CDC42EP3: variants seen among roughly 807,000 people sequenced by gnomAD.
The protein encoded by CDC42EP3 is CDC42 effector protein (Rho GTPase binding) 3.
CDC42EP3 carries 4 observed loss-of-function variants against 15.5 expected under a neutral mutation model. That is an observed-to-expected ratio of 0.26 (90% CI 0.13 to 0.59). The LOEUF (loss-of-function observed/expected upper bound fraction) is 0.59, where lower values mean the gene tolerates loss of function less well. Ranked by LOEUF, CDC42EP3 falls within the 20% of genes least tolerant of loss-of-function variation. The pLI is 0.89. For synonymous variants in CDC42EP3, 145 were observed against 130.3 expected, an observed-to-expected ratio of 1.11 and a Z score of -0.77; for missense variants, 309 against 311.2, an observed-to-expected ratio of 0.99 and a Z score of 0.05.
chr2:37,642,724 G>A lies in CDC42EP3; in HGVS notation c.*3099C>T, dbSNP rs1310971726. On this transcript the variant is annotated 3_prime_UTR_variant, in exon 2 of 2. Transcript: ENST00000295324. ...TATCAAGTTAATTTATGGACTTATG[G>A]ATTTTTTCCATTCCAGGACTTCATT... 6.6e-6 allele frequency: 1 copy of A among 152,102 alleles called. No individual in the cohort carries two copies. Among genetic ancestry groups the A allele is most frequent in the Non-Finnish European group, 1.5e-5 (1 of 67,998 alleles). 9.4% of individuals were successfully genotyped at this position (152,102 alleles called of 1,614,324 possible).
chr2:37,658,108 T>C (rs1359959905), intron 1 of CDC42EP3, among the ~76,000 whole-genome samples: 1 of 152,118 alleles, frequency 6.6e-6, no homozygotes, highest in Non-Finnish European at 1.5e-5. Flanking sequence ...CATCCCCCAC[T>C]CCTCAACAAT....
Position 37,646,236 on chromosome 2 carries a change from G to C in CDC42EP3, c.352C>G (p.Leu118Val). ...SLPTIGGSQA[L>V]MLPLLSPVTF... ...ACTGGTGACAATAAGGGCAACATGA[G>C]AGCTTGGGATCCTCCAATGGTCGGG... The change falls in exon 2 of 2, where the codon CTC becomes GTC. Residue 118 changes from leucine (L) to valine (V), a missense_variant. Physicochemically the swap from Leu to Val is conservative, Grantham distance 32 (BLOSUM62 1). Coordinates refer to ENST00000295324, the MANE Select transcript of CDC42EP3 (RefSeq NM_006449.5). The C allele has an allele frequency of 2.5e-6, 4 of 1,614,196 alleles. No homozygotes were observed. Among genetic ancestry groups the C allele is most frequent in the East Asian group, 2.2e-5 (1 of 44,880 alleles).
intron 1 of CDC42EP3, among the ~76,000 whole-genome samples, chr2:37,653,617 T>G (rs917969902): frequency 1.3e-5 from 2 of 152,164 alleles, no homozygotes; most frequent in African/African-American, 4.8e-5. Context: ...GCTCCTAAGT[T>G]ACTTAGAGTT....
In CDC42EP3 at chr2:37,651,365, G is replaced by C. The variant is rs148153894; in HGVS notation, c.-235-4543C>G. 4.1e-3 allele frequency among the ~76,000 whole-genome samples: 620 copies of C among 152,224 alleles called. 4 individuals carry two copies. Among genetic ancestry groups the C allele is most frequent in the Non-Finnish European group, 6.8e-3 (461 of 68,006 alleles). ...CACAAATATATAAATGTGTATGCAG[G>C]GCTCAGATTAGGCTTTCCTGGAGAG... On this transcript the variant is annotated intron_variant, in intron 1 of 1. Coordinates refer to ENST00000295324, the MANE Select transcript of CDC42EP3 (RefSeq NM_006449.5).
At chr2:37,666,750 A>C (rs1666262701) in intron 1 of CDC42EP3, among the ~76,000 whole-genome samples, 1 of 152,210 alleles carries the variant, frequency 6.6e-6, no homozygotes, top group South Asian at 2.1e-4. Context: ...AGGTACTGTC[A>C]AATTCAGTCC....
rs544069972 is a variant in CDC42EP3, at chr2:37,646,075, C to T, written c.513G>A (p.Ser171=). Residue 171 remains serine (S), a synonymous_variant, in exon 2 of 2, where the codon TCG becomes TCA. Coordinates refer to ENST00000295324, the MANE Select transcript of CDC42EP3 (RefSeq NM_006449.5). ...ENGTVHQGDT[S]WGSSGSASQS... ...GAGATGCAGAACCGCTGGAGCCCCA[C>T]GAGGTGTCTCCCTGGTGGACTGTCC... is the stretch of plus-strand genomic sequence containing the variant. 34 of 1,614,208 alleles carry T rather than the reference C, an allele frequency of 2.1e-5. No individual in the cohort carries two copies. The highest frequency in any genetic ancestry group is 9.3e-5 in the African/African-American group (7 of 75,050).
Position 37,642,916 on chromosome 2 carries a change from G to C in CDC42EP3, c.*2907C>G, listed in dbSNP as rs1665314084. On this transcript the variant is annotated 3_prime_UTR_variant, in exon 2 of 2. Transcript: ENST00000295324. ...GAAATGTGATAATGACTTCATATTT[G>C]TGAAGAGCTAAGTATCCTGATATTT... is the stretch of plus-strand genomic sequence containing the variant. 1 of 152,204 alleles carries C rather than the reference G, an allele frequency of 6.6e-6. No homozygotes were observed. The allele number at this position is 152,204 out of a possible 1,614,324, so 9.4% of individuals were successfully genotyped here. A position where few individuals can be genotyped will look rare whatever the true frequency, so the allele number is the denominator to read the frequency against.
At chr2:37,650,354 G>C (rs1665629354) in intron 1 of CDC42EP3, among the ~76,000 whole-genome samples, 1 of 152,080 alleles carries the variant, frequency 6.6e-6, no homozygotes, top group African/African-American at 2.4e-5. Flanking sequence ...CAAAATCTTT[G>C]CCAATTACTT....
At chr2:37,655,186 T>A (rs1169617005) in intron 1 of CDC42EP3, among the ~76,000 whole-genome samples, 1 of 152,244 alleles carries the variant, frequency 6.6e-6, no homozygotes, top group East Asian at 1.9e-4. Flanking sequence ...AGCTCTGTTA[T>A]GCAAATGAAC....
chr2:37,663,546 G>A (rs1666147429), intron 1 of CDC42EP3, among the ~76,000 whole-genome samples: 1 of 152,216 alleles, frequency 6.6e-6, no homozygotes, highest in African/African-American at 2.4e-5. Context: ...CGGAGATCTT[G>A]AGAAGGTTCC....
chr2:37,664,433 A>C (rs1454913079), intron 1 of CDC42EP3, among the ~76,000 whole-genome samples: 1 of 152,176 alleles, frequency 6.6e-6, no homozygotes, highest in African/African-American at 2.4e-5. Context: ...CTTGTTCCTC[A>C]GCTTGCAGAC....
chr2:37,642,553 ACTC>A lies in CDC42EP3; in HGVS notation c.*3267_*3269del, dbSNP rs1194630382. ...GGTTAACCTCATTTCCAAAAGAAAA[ACTC>A]TTACTGGAGAGAAACCATCATGTTG... is the stretch of plus-strand genomic sequence containing the variant. On this transcript the variant is annotated 3_prime_UTR_variant, in exon 2 of 2. Coordinates refer to ENST00000295324, the MANE Select transcript of CDC42EP3 (RefSeq NM_006449.5). The A allele has an allele frequency of 1.3e-5, 2 of 151,992 alleles. No homozygotes were observed. Among genetic ancestry groups the A allele is most frequent in the Non-Finnish European group, 2.9e-5 (2 of 67,978 alleles). 9.4% of individuals were successfully genotyped at this position (151,992 alleles called of 1,614,324 possible).
At chr2:37,655,772 C>T (rs1417780810) in intron 1 of CDC42EP3, among the ~76,000 whole-genome samples, 1 of 152,196 alleles carries the variant, frequency 6.6e-6, no homozygotes, top group Non-Finnish European at 1.5e-5. Context: ...AATATCAATA[C>T]AGGAAGAGAA....
At chr2:37,669,867 TTATTTCACATATGAAAATGCTAAA>T (rs1165361706) in intron 1 of CDC42EP3, among the ~76,000 whole-genome samples, 1 of 152,226 alleles carries the variant, frequency 6.6e-6, no homozygotes, top group Non-Finnish European at 1.5e-5. Context: ...CCTTTATCAT[TTATTTCACATATGAAAATGCTAAA>T]TATTTCACAA....
Position 37,644,657 on chromosome 2 carries a change from C to CATT in CDC42EP3, c.*1163_*1165dup, listed in dbSNP as rs1665385533. ...AAAAAAAAATCTGACCTCACATGTT[C>CATT]ATTTTTCCAAAAGTAGAGAGGCTCA... On this transcript the variant is annotated 3_prime_UTR_variant, in exon 2 of 2. Coordinates refer to ENST00000295324, the MANE Select transcript of CDC42EP3 (RefSeq NM_006449.5). The CATT allele has an allele frequency of 1.3e-5, 2 of 151,088 alleles. No homozygotes were observed. The highest frequency in any genetic ancestry group is 4.9e-5 in the African/African-American group (2 of 41,054). The allele number at this position is 151,088 out of a possible 1,614,324, so 9.4% of individuals were successfully genotyped here. A position where few individuals can be genotyped will look rare whatever the true frequency, so the allele number is the denominator to read the frequency against.
chr2:37,655,639 C>G (rs1042354159), intron 1 of CDC42EP3, among the ~76,000 whole-genome samples: 5 of 152,170 alleles, frequency 3.3e-5, no homozygotes, highest in African/African-American at 9.7e-5. Flanking sequence ...CAGGGCTGGT[C>G]AGAAGCACCC....
chr2:37,668,361 A>G (rs1232749913), intron 1 of CDC42EP3, among the ~76,000 whole-genome samples: 1 of 152,222 alleles, frequency 6.6e-6, no homozygotes, highest in Non-Finnish European at 1.5e-5. Context: ...TATTGTGGCT[A>G]CTCTGGGCCA....
At chr2:37,667,001 C>T (rs910442832) in intron 1 of CDC42EP3, among the ~76,000 whole-genome samples, 34 of 152,104 alleles carry the variant, frequency 2.2e-4, no homozygotes, top group Admixed American at 3.3e-4. Flanking sequence ...TGAGTTACTT[C>T]GGACTGTCCT....
At chr2:37,653,586 A>G (rs900873537) in intron 1 of CDC42EP3, among the ~76,000 whole-genome samples, 2 of 152,218 alleles carry the variant, frequency 1.3e-5, no homozygotes, top group Non-Finnish European at 2.9e-5. Context: ...CGGTTTTAAA[A>G]AATGACAGAC....
Sources: gnomAD v4.1 joint callset for allele counts (sites outside exome capture counted in the v4.1 genomes callset) on GRCh38, gnomAD v4.1.1 for gene constraint, MANE v1.5 for transcripts, NCBI Gene and HGNC (gene_info 2026-07-23, HGNC 2026-07-21) for gene names.